Variants in NTF3 observed in about 807,000 individuals in gnomAD.
The protein encoded by NTF3 is neurotrophin 3, also known as neurotrophin-3.
A neutral mutation model predicts 26.3 loss-of-function variants in NTF3; 8 were observed. The observed-to-expected ratio is 0.30, with a 90% CI of 0.18 to 0.55. NTF3 has a LOEUF of 0.55. NTF3 is among the 20% of genes least tolerant of loss of function. The pLI is 0.93. For missense variants in NTF3, 276 were observed against 352.9 expected (o/e 0.78, Z 1.75); for synonymous variants, 154 against 145.5 (o/e 1.06, Z -0.42).
intron 1 of NTF3, among the ~76,000 whole-genome samples, chr12:5,485,194 G>A (rs1255589396): frequency 2.0e-5 from 3 of 152,198 alleles, no homozygotes; most frequent in South Asian, 2.1e-4. Flanking sequence ...AATTGGTGAC[G>A]CAAGCCTTAG....
chr12:5,468,270 T>G (rs1245217359), intron 1 of NTF3, among the ~76,000 whole-genome samples: 1 of 152,216 alleles, frequency 6.6e-6, no homozygotes, highest in Non-Finnish European at 1.5e-5. Flanking sequence ...AAGAGAGAGA[T>G]GTTTTCCACC....
At chr12:5,452,035 T>C (rs1409211998) in intron 1 of NTF3, among the ~76,000 whole-genome samples, 1 of 151,778 alleles carries the variant, frequency 6.6e-6, no homozygotes, top group African/African-American at 2.4e-5. Flanking sequence ...ATAACCAGTT[T>C]TTACCTGGCA....
intron 1 of NTF3, among the ~76,000 whole-genome samples, chr12:5,437,497 A>C (rs935256114): frequency 6.6e-6 from 1 of 152,126 alleles, no homozygotes; most frequent in Admixed American, 6.5e-5. Flanking sequence ...CTTCTGCTAC[A>C]AGCTTCTCCA....
chr12:5,481,986 C>CGCAGGCATACAT (rs1306269968), intron 1 of NTF3, among the ~76,000 whole-genome samples: 1 of 151,482 alleles, frequency 6.6e-6, no homozygotes, highest in African/African-American at 2.4e-5. Flanking sequence ...CAGACACACT[C>CGCAGGCATACAT]GCAGGCATAC....
chr12:5,452,020 A>T (rs976351446), intron 1 of NTF3, among the ~76,000 whole-genome samples: 1 of 151,140 alleles, frequency 6.6e-6, no homozygotes, highest in African/African-American at 2.4e-5. Context: ...GGCTCACCAT[A>T]CAATATAACC....
intron 1 of NTF3, among the ~76,000 whole-genome samples, chr12:5,455,991 C>T (rs201068778): frequency 4.6e-5 from 7 of 152,076 alleles, no homozygotes; most frequent in Middle Eastern, 3.2e-3. Flanking sequence ...CACAGCTGTG[C>T]GGGCCACTAG....
intron 1 of NTF3, among the ~76,000 whole-genome samples, chr12:5,481,566 TAC>T: frequency 4.8e-5 from 1 of 21,040 alleles, no homozygotes; most frequent in South Asian, 1.5e-3. Flanking sequence ...CACACACACA[TAC>T]ATACATGCAC....
chr12:5,451,157 T>C (rs1472982037), intron 1 of NTF3, among the ~76,000 whole-genome samples: 2 of 152,210 alleles, frequency 1.3e-5, no homozygotes, highest in African/African-American at 4.8e-5. Flanking sequence ...AAGTTTCTCA[T>C]CTGTAAAATG....
In NTF3 at chr12:5,494,580, T is replaced by C. The variant is rs1017218412; in HGVS notation, c.405T>C (p.Asp135=). 5 of 1,613,760 alleles carry C rather than the reference T, an allele frequency of 3.1e-6. No individual in the cohort carries two copies. In the Admixed American group the frequency reaches 8.3e-5, roughly 27 times the overall value. The change falls in exon 2 of 2, where the codon GAT becomes GAC. Residue 135 remains aspartate (D), a synonymous_variant. Transcript: ENST00000423158. This position sits in a 1 kb window ranked among gnomAD's most constrained non-coding sequence, Gnocchi z 8.3. ...LEPPPLYLME[D]YVGSPVVANR... Reference sequence around the variant, plus strand: ...CCCCGCCCTTGTATCTCATGGAGGATTACGTGGGCAGCCCCGTGGTGGCGA... The same window carrying C: ...CCCCGCCCTTGTATCTCATGGAGGACTACGTGGGCAGCCCCGTGGTGGCGA...
chr12:5,495,147 T>A lies in NTF3; in HGVS notation c.*159T>A. The A allele has an allele frequency of 1.3e-6, 1 of 790,060 alleles. No individual in the cohort carries two copies. The allele number at this position is 790,060 out of a possible 1,614,324, so 48.9% of individuals were successfully genotyped here. A position where few individuals can be genotyped will look rare whatever the true frequency, so the allele number is the denominator to read the frequency against. ...TAAGCTTTTTTCTCAATAAAATCAGTGTGCTTGCCTTCCCTCAGGCCTCTC... is the reference window on the plus strand; with the variant it reads ...TAAGCTTTTTTCTCAATAAAATCAGAGTGCTTGCCTTCCCTCAGGCCTCTC... On this transcript the variant is annotated 3_prime_UTR_variant, in exon 2 of 2. Transcript: ENST00000423158.
intron 1 of NTF3, among the ~76,000 whole-genome samples, chr12:5,481,130 T>G (rs536027293): frequency 3.6e-4 from 54 of 152,062 alleles, no homozygotes; most frequent in Middle Eastern, 3.2e-3. Context: ...TTTAGACCCC[T>G]GTGGACTAGC....
chr12:5,443,666 T>C (rs970507949), intron 1 of NTF3, among the ~76,000 whole-genome samples: 1 of 152,190 alleles, frequency 6.6e-6, no homozygotes, highest in Non-Finnish European at 1.5e-5. Flanking sequence ...ATGATTGTTT[T>C]TATGGAGGTT....
At chr12:5,454,780 G>A (rs557000907) in intron 1 of NTF3, among the ~76,000 whole-genome samples, 61 of 152,300 alleles carry the variant, frequency 4.0e-4, no homozygotes, top group Middle Eastern at 3.4e-3. Flanking sequence ...GGACAGCGGC[G>A]AGAAAAAGGG....
intron 1 of NTF3, among the ~76,000 whole-genome samples, chr12:5,479,203 C>A (rs994842292): frequency 1.1e-4 from 16 of 152,106 alleles, no homozygotes; most frequent in African/African-American, 3.9e-4. Flanking sequence ...GAGGAGATAG[C>A]GGTTGAGGCT....
At chr12:5,449,946 G>C (rs1940352928) in intron 1 of NTF3, among the ~76,000 whole-genome samples, 2 of 152,196 alleles carry the variant, frequency 1.3e-5, no homozygotes, top group Admixed American at 1.3e-4. Flanking sequence ...CTTCTGGGAA[G>C]TTTTTTCTTC....
rs567207487 is a variant in NTF3, at chr12:5,454,585, G to A, written c.18+22243G>A. ...TAACACATAGTCAGTTCTCTTTGGG[G>A]TGAGGAGGCCTAGGGGCAGGGCCCC... On this transcript the variant is annotated intron_variant, in intron 1 of 1. Coordinates refer to ENST00000423158, the MANE Select transcript of NTF3 (RefSeq NM_001102654.2). Among the ~76,000 whole-genome samples, 5 of 152,328 alleles carry A rather than the reference G, an allele frequency of 3.3e-5. No individual in the cohort carries two copies. In the South Asian group the frequency reaches 8.3e-4, roughly 25 times the overall value.
At chr12:5,482,385 C>T (rs1271064533) in intron 1 of NTF3, among the ~76,000 whole-genome samples, 1 of 152,154 alleles carries the variant, frequency 6.6e-6, no homozygotes, top group Non-Finnish European at 1.5e-5. Context: ...CCCGTGCCTT[C>T]GTCTTTCCCA....
At chr12:5,474,850 G>C (rs1371997037) in intron 1 of NTF3, among the ~76,000 whole-genome samples, 1 of 152,166 alleles carries the variant, frequency 6.6e-6, no homozygotes, top group African/African-American at 2.4e-5. Flanking sequence ...AGTTCAATGT[G>C]GGGGCAGGGA....
intron 1 of NTF3, among the ~76,000 whole-genome samples, chr12:5,485,840 G>C (rs752749038): frequency 2.2e-4 from 33 of 152,184 alleles, no homozygotes; most frequent in African/African-American, 7.2e-4. Context: ...ATCACTACAT[G>C]AGTGGGTGAG....
Sources: gnomAD v4.1 joint callset for allele counts (sites outside exome capture counted in the v4.1 genomes callset) on GRCh38, gnomAD v4.1.1 for gene constraint, Gnocchi (gnomAD v3.1) non-coding constraint, MANE v1.5 for transcripts, NCBI Gene and HGNC (gene_info 2026-07-23, HGNC 2026-07-21) for gene names.